The following CDH12 variants were observed in gnomAD, a reference collection of about 807,000 sequenced individuals.
CDH12 encodes cadherin 12.
CDH12 carries 41 observed loss-of-function variants against 74.1 expected under a neutral mutation model. That is an observed-to-expected ratio of 0.55 (90% CI 0.43 to 0.72). CDH12 has a LOEUF of 0.72. CDH12 is among the 30% of genes least tolerant of loss of function. CDH12 has a pLI of 0.00. For synonymous variants in CDH12, 399 were observed against 355.0 expected (o/e 1.12, Z -1.39); for missense variants, 945 against 977.2 (o/e 0.97, Z 0.44).
chr5:22,402,107 T>C (rs545448440), intron 3 of CDH12, among the ~76,000 whole-genome samples: 2 of 152,170 alleles, frequency 1.3e-5, no homozygotes, highest in Admixed American at 6.5e-5. Flanking sequence ...AATACAGATT[T>C]TGTTACCAGG....
intron 4 of CDH12, chr5:22,172,193 A>G (rs1749070434): frequency 6.6e-6 from 1 of 151,964 alleles, no homozygotes; most frequent in African/African-American, 2.4e-5. Context: ...TGCTAGTACA[A>G]TATATTTTCA....
At chr5:21,976,382 C>A (rs1757071900) in intron 5 of CDH12, among the ~76,000 whole-genome samples, 1 of 151,428 alleles carries the variant, frequency 6.6e-6, no homozygotes, top group Non-Finnish European at 1.5e-5. Flanking sequence ...AAACTGGAGA[C>A]CAAGAATAAA....
At chr5:22,227,609 C>T (rs1752239761) in intron 3 of CDH12, among the ~76,000 whole-genome samples, 1 of 152,124 alleles carries the variant, frequency 6.6e-6, no homozygotes, top group Non-Finnish European at 1.5e-5. Flanking sequence ...AGAAACAGGG[C>T]ATCTCAGTGC....
intron 6 of CDH12, among the ~76,000 whole-genome samples, chr5:21,902,648 G>T (rs1194263851): frequency 6.6e-6 from 1 of 152,148 alleles, no homozygotes; most frequent in African/African-American, 2.4e-5. Context: ...ACTTTTTGCA[G>T]TGACAGAAAT....
chr5:22,424,740 A>C (rs373167462), intron 2 of CDH12, among the ~76,000 whole-genome samples: 3 of 152,148 alleles, frequency 2.0e-5, no homozygotes, highest in African/African-American at 7.2e-5. Context: ...TCTACCTTAT[A>C]TAGTCTTACT....
At chr5:22,413,006 A>T (rs1280450871) in intron 2 of CDH12, among the ~76,000 whole-genome samples, 1 of 151,960 alleles carries the variant, frequency 6.6e-6, no homozygotes, top group Non-Finnish European at 1.5e-5. Context: ...ATTGTCTTTC[A>T]TTGACATCTT....
chr5:22,142,430 A>C, intron 4 of CDH12: 9 of 579,646 alleles, frequency 1.6e-5, no homozygotes, highest in South Asian at 1.3e-4. Flanking sequence ...TCTGTCACTG[A>C]ATCTGGTTAT....
chr5:22,801,636 C>CATATATATATATATATAT (rs568139109), intron 1 of CDH12, among the ~76,000 whole-genome samples: 1 of 50,882 alleles, frequency 2.0e-5, no homozygotes, highest in Non-Finnish European at 3.8e-5. Context: ...CTCTGCTTAT[C>CATATATATATATATATAT]ATATATATAT....
intron 5 of CDH12, among the ~76,000 whole-genome samples, chr5:22,014,033 C>A (rs1447364300): frequency 6.6e-6 from 1 of 152,050 alleles, no homozygotes; most frequent in African/African-American, 2.4e-5. Context: ...TCAAACCCAG[C>A]CTGGCCCACA....
intron 1 of CDH12, among the ~76,000 whole-genome samples, chr5:22,850,495 A>G (rs1737500775): frequency 6.6e-6 from 1 of 152,124 alleles, no homozygotes; most frequent in South Asian, 2.1e-4. Flanking sequence ...AAGCCTATTC[A>G]TAAAAATAAA....
Position 21,755,739 on chromosome 5 carries a change from C to T in CDH12, c.1737G>A (p.Gln579=). The T allele has an allele frequency of 1.2e-6, 2 of 1,614,108 alleles. No homozygotes were observed. Among genetic ancestry groups the T allele is most frequent in the Non-Finnish European group, 8.5e-7 (1 of 1,180,010 alleles). ...GAATAGTCATTGTGTTTGTGCTGCT[C>T]TGGACAGGGTAGCTGCTGTCTTCTA... The part of the protein sequence containing the change: ...VVIEDSSYPV[Q]SSTNTMTIRV... The change falls in exon 14 of 15, where the codon CAG becomes CAA. Residue 579 remains glutamine (Q), a synonymous_variant. Transcript: ENST00000382254.
intron 3 of CDH12, among the ~76,000 whole-genome samples, chr5:22,269,425 T>C (rs1422493956): frequency 6.6e-6 from 1 of 152,158 alleles, no homozygotes; most frequent in African/African-American, 2.4e-5. Flanking sequence ...ATGTGTTGTA[T>C]AATCTACTTA....
intron 3 of CDH12, among the ~76,000 whole-genome samples, chr5:22,347,269 A>G (rs943408543): frequency 2.0e-5 from 3 of 152,210 alleles, no homozygotes; most frequent in Non-Finnish European, 4.4e-5. Flanking sequence ...GATGGGCACC[A>G]TCTAATCAGC....
chr5:22,586,707 G>C (rs1378367186), intron 1 of CDH12, among the ~76,000 whole-genome samples: 1 of 151,726 alleles, frequency 6.6e-6, no homozygotes, highest in Non-Finnish European at 1.5e-5. Flanking sequence ...ATTTTTTACT[G>C]TATCAATGGG....
chr5:22,119,581 C>A (rs1362324539), intron 4 of CDH12, among the ~76,000 whole-genome samples: 2 of 152,046 alleles, frequency 1.3e-5, no homozygotes, highest in Non-Finnish European at 2.9e-5. Context: ...TAAGCCACAG[C>A]TCCCCGCCAA....
chr5:22,249,692 C>T (rs1031708060), intron 3 of CDH12, among the ~76,000 whole-genome samples: 2 of 152,146 alleles, frequency 1.3e-5, no homozygotes, highest in Admixed American at 1.3e-4. Flanking sequence ...CATAGCAGGG[C>T]TAACCATGCT....
chr5:22,118,072 T>C (rs1292416208), intron 4 of CDH12, among the ~76,000 whole-genome samples: 1 of 152,130 alleles, frequency 6.6e-6, no homozygotes, highest in Non-Finnish European at 1.5e-5. Context: ...TTCCTACAAT[T>C]ACCTCTATTC....
chr5:22,650,541 C>T (rs1216201732), intron 1 of CDH12, among the ~76,000 whole-genome samples: 1 of 151,942 alleles, frequency 6.6e-6, no homozygotes, highest in African/African-American at 2.4e-5. Flanking sequence ...TACACACTTG[C>T]AAGAGAATAA....
chr5:22,136,747 C>A (rs548510691), intron 4 of CDH12, among the ~76,000 whole-genome samples: 28 of 150,190 alleles, frequency 1.9e-4, no homozygotes, highest in African/African-American at 6.9e-4. Flanking sequence ...ACCGACTTTA[C>A]CTGAGTATTG....
Sources: gnomAD v4.1 joint callset for allele counts (sites outside exome capture counted in the v4.1 genomes callset) on GRCh38, gnomAD v4.1.1 for gene constraint, MANE v1.5 for transcripts, NCBI Gene and HGNC (gene_info 2026-07-23, HGNC 2026-07-21) for gene names.